Variants in CHID1 observed in about 807,000 individuals in gnomAD.
The protein encoded by CHID1 is chitinase domain-containing protein 1.
CHID1 carries 44 observed loss-of-function variants against 55.4 expected under a neutral mutation model. That is an observed-to-expected ratio of 0.79 (90% CI 0.62 to 1.02). CHID1 has a LOEUF of 1.02. Among genes scored for constraint, CHID1 ranks in the 50% least tolerant of loss-of-function variants. CHID1 has a pLI of 0.00. For synonymous variants in CHID1, 216 were observed against 212.9 expected, an observed-to-expected ratio of 1.01 and a Z score of -0.13; for missense variants, 491 against 515.3, an observed-to-expected ratio of 0.95 and a Z score of 0.46.
chr11:906,506 G>A (rs1264367070), intron 1 of CHID1, among the ~76,000 whole-genome samples: 3 of 152,068 alleles, frequency 2.0e-5, no homozygotes, highest in South Asian at 4.2e-4. Flanking sequence ...ATGAGCCACC[G>A]CGCCCAGCCA....
intron 8 of CHID1, among the ~76,000 whole-genome samples, chr11:890,954 T>C (rs1850772002): frequency 6.6e-6 from 1 of 151,966 alleles, no homozygotes. Context: ...ACAGTGCCCC[T>C]GGAGAGAGCG....
chr11:886,316 G>T (rs188981044), intron 8 of CHID1, among the ~76,000 whole-genome samples: 3 of 151,962 alleles, frequency 2.0e-5, no homozygotes, highest in Non-Finnish European at 4.4e-5. Context: ...AAAATTAGCC[G>T]GGTGTGGTGG....
intron 8 of CHID1, among the ~76,000 whole-genome samples, chr11:890,154 C>A (rs568887979): frequency 6.6e-6 from 1 of 152,366 alleles, no homozygotes; most frequent in East Asian, 1.9e-4. Flanking sequence ...CCGGTTAGCA[C>A]CCTTTGGCCC....
intron 1 of CHID1, 133 bp from the exon 2 acceptor site, chr11:904,992 G>T: frequency 1.0e-6 from 1 of 980,418 alleles, no homozygotes; most frequent in Non-Finnish European, 1.5e-6. Context: ...CTTGGCCACT[G>T]GGACAGAGCC....
At chr11:899,863 T>C (rs908441506) in intron 6 of CHID1, 141 bp downstream of exon 6, 2 of 627,232 alleles carry the variant, frequency 3.2e-6, no homozygotes, top group South Asian at 1.9e-5. Flanking sequence ...CTGCCTTCCC[T>C]GGAAGATGGG....
intron 1 of CHID1, among the ~76,000 whole-genome samples, chr11:906,178 C>T (rs1035466095): frequency 6.6e-6 from 1 of 151,748 alleles, no homozygotes; most frequent in Non-Finnish European, 1.5e-5. Context: ...AGGTGATCTG[C>T]CCACCTCGGC....
intron 7 of CHID1, among the ~76,000 whole-genome samples, chr11:897,893 T>C (rs572174099): frequency 6.6e-6 from 1 of 152,282 alleles, no homozygotes; most frequent in African/African-American, 2.4e-5. Flanking sequence ...GGAACCACAC[T>C]GAGGGGTGCT....
Position 886,889 on chromosome 11 carries a change from A to G in CHID1, c.702-2720T>C, listed in dbSNP as rs548560491. Among the ~76,000 whole-genome samples, 6 of 152,250 alleles carry G rather than the reference A, an allele frequency of 3.9e-5. No individual in the cohort carries two copies. In the South Asian group the frequency reaches 1.2e-3, roughly 32 times the overall value. Reference sequence around the variant, plus strand: ...GAGCCATGATCTCCCCGTGGCTTTCATTTGTGGTTCTCTCATGAATAACAT... The same window carrying G: ...GAGCCATGATCTCCCCGTGGCTTTCGTTTGTGGTTCTCTCATGAATAACAT... On this transcript the variant is annotated intron_variant, in intron 8 of 12. Coordinates refer to ENST00000323578, the MANE Select transcript of CHID1 (RefSeq NM_023947.4).
intron 1 of CHID1, among the ~76,000 whole-genome samples, chr11:910,102 T>C (rs1306527845): frequency 6.6e-6 from 1 of 151,346 alleles, no homozygotes; most frequent in Non-Finnish European, 1.5e-5. Flanking sequence ...GGCGCACACC[T>C]GTAGTCCCAA....
At chr11:891,103 A>C (rs902894119) in intron 8 of CHID1, among the ~76,000 whole-genome samples, 3 of 145,450 alleles carry the variant, frequency 2.1e-5, no homozygotes, top group Non-Finnish European at 4.6e-5. Context: ...TGGGGGAAGG[A>C]TAAACAGATG....
At chr11:905,907 G>A (rs1166104378) in intron 1 of CHID1, among the ~76,000 whole-genome samples, 1 of 152,142 alleles carries the variant, frequency 6.6e-6, no homozygotes, top group African/African-American at 2.4e-5. Flanking sequence ...GAAATGTGAA[G>A]ACAAATAATA....
At position 910,807 on chromosome 11, in the gene CHID1, G is replaced by T. The variant is rs1230394922; in HGVS notation, c.-76C>A. On this transcript the variant is annotated 5_prime_UTR_variant, in exon 1 of 13. Coordinates refer to ENST00000323578, the MANE Select transcript of CHID1 (RefSeq NM_023947.4). The stretch of plus-strand genomic sequence containing the variant: ...TCAGGGAGGCCGGACGGCCACAAAC[G>T]CACGGCCGGAAAACGCTCCAGCGCG... 9.0e-7 allele frequency: 1 copy of T among 1,108,314 alleles called. No individual in the cohort carries two copies. Among genetic ancestry groups the T allele is most frequent in the Admixed American group, 5.7e-5 (1 of 17,416 alleles). The allele number at this position is 1,108,314 out of a possible 1,614,324, so 68.7% of individuals were successfully genotyped here.
chr11:910,737 AAGG>A (rs1565211566), intron 1 of CHID1, 35 bp downstream of exon 1: 2 of 1,229,386 alleles, frequency 1.6e-6, no homozygotes, highest in South Asian at 1.4e-5. Flanking sequence ...GAGGCCGTGC[AAGG>A]AGGAGGAGCA....
chr11:899,228 G>C (rs534619374), intron 7 of CHID1, 112 bp downstream of exon 7: 1 of 1,032,408 alleles, frequency 9.7e-7, no homozygotes, highest in South Asian at 1.4e-5. Flanking sequence ...CCCACCCCAG[G>C]CACAGGGACT....
At chr11:888,869 G>A (rs953394726) in intron 8 of CHID1, among the ~76,000 whole-genome samples, 2 of 151,992 alleles carry the variant, frequency 1.3e-5, no homozygotes, top group African/African-American at 2.4e-5. Flanking sequence ...ACTGGACTCC[G>A]GGCCCACACC....
chr11:879,809 G>A (rs574522450), intron 10 of CHID1, among the ~76,000 whole-genome samples: 1 of 152,358 alleles, frequency 6.6e-6, no homozygotes, highest in South Asian at 2.1e-4. Flanking sequence ...CTGGGTGCAT[G>A]GGGAGGCCTC....
chr11:898,901 G>A (rs562290351), intron 7 of CHID1, among the ~76,000 whole-genome samples: 3 of 152,286 alleles, frequency 2.0e-5, no homozygotes, highest in South Asian at 4.1e-4. Flanking sequence ...CCGCCATGGC[G>A]GTCCACACCA....
At chr11:897,574 C>T (rs899855529) in intron 7 of CHID1, among the ~76,000 whole-genome samples, 1 of 152,204 alleles carries the variant, frequency 6.6e-6, no homozygotes, top group African/African-American at 2.4e-5. Flanking sequence ...ACGCAGGCAC[C>T]TGATCCTCCG....
upstream of CHID1, among the ~76,000 whole-genome samples, chr11:912,097 A>G (rs1852728302): frequency 1.3e-5 from 2 of 152,046 alleles, 1 homozygote; most frequent in South Asian, 4.1e-4. Flanking sequence ...CAAGGCGGGT[A>G]GATCACTTGA....
Sources: allele counts gnomAD v4.1 joint callset (sites outside exome capture counted in the v4.1 genomes callset), GRCh38; gene constraint gnomAD v4.1.1; transcripts MANE v1.5; gene names NCBI Gene and HGNC (gene_info 2026-07-23, HGNC 2026-07-21).